Variants in CBFA2T2 observed in about 807,000 individuals in gnomAD.
CBFA2T2 encodes CBFA2/RUNX1 partner transcriptional co-repressor 2.
Under a neutral mutation model 62.2 loss-of-function variants are expected in CBFA2T2, and 11 were observed. The ratio of observed to expected loss-of-function variants is 0.18; its 90% CI spans 0.11 to 0.29. The LOEUF (loss-of-function observed/expected upper bound fraction) is 0.29. Among genes scored for constraint, CBFA2T2 ranks in the 10% least tolerant of loss-of-function variants. The pLI is 1.00. For synonymous variants in CBFA2T2, 295 were observed against 287.5 expected (o/e 1.03, Z -0.27); for missense variants, 592 against 774.1 (o/e 0.76, Z 2.79).
intron 1 of CBFA2T2, among the ~76,000 whole-genome samples, chr20:33,512,100 C>T (rs1483355445): frequency 1.3e-5 from 2 of 152,196 alleles, no homozygotes; most frequent in Non-Finnish European, 2.9e-5. Context: ...TCGCTTGAAC[C>T]CGGGAGGGGG....
Position 33,648,918 on chromosome 20 carries a change from ACAT to A in CBFA2T2, c.*4276_*4278del, listed in dbSNP as rs1303987389. ...TGTCACCTGCTTGCAAAGGGTATAG[ACAT>A]CATTCTGGGTAGTTCTAGAGGATAT... On this transcript the variant is annotated 3_prime_UTR_variant, in exon 11 of 11. Transcript: ENST00000342704. The A allele has an allele frequency of 3.9e-5, 6 of 152,016 alleles. No homozygotes were observed. Among genetic ancestry groups the A allele is most frequent in the African/African-American group, 1.4e-4 (6 of 41,384 alleles). The allele number at this position is 152,016 out of a possible 1,614,324, so 9.4% of individuals were successfully genotyped here.
At chr20:33,528,777 C>T (rs2011960398) in intron 1 of CBFA2T2, among the ~76,000 whole-genome samples, 1 of 152,060 alleles carries the variant, frequency 6.6e-6, no homozygotes, top group African/African-American at 2.4e-5. Flanking sequence ...TGGGCTCAAG[C>T]AATCTGCCCA....
intron 2 of CBFA2T2, among the ~76,000 whole-genome samples, chr20:33,608,768 C>T (rs954972863): frequency 4.6e-5 from 7 of 152,118 alleles, no homozygotes; most frequent in Non-Finnish European, 7.4e-5. Flanking sequence ...TGTGATCATA[C>T]ATTTTTTTCT....
chr20:33,554,121 A>G (rs2012819405), intron 1 of CBFA2T2, among the ~76,000 whole-genome samples: 1 of 152,000 alleles, frequency 6.6e-6, no homozygotes, highest in African/African-American at 2.4e-5. Flanking sequence ...ACCATATAAT[A>G]TTATTTTGTT....
chr20:33,539,373 A>G (rs886213470), intron 1 of CBFA2T2, among the ~76,000 whole-genome samples: 5 of 152,104 alleles, frequency 3.3e-5, no homozygotes, highest in Admixed American at 2.0e-4. Context: ...TGCATATCCT[A>G]TTTCTGCACT....
intron 1 of CBFA2T2, among the ~76,000 whole-genome samples, chr20:33,568,557 G>A (rs569023744): frequency 7.9e-5 from 12 of 152,260 alleles, no homozygotes; most frequent in East Asian, 1.9e-4. Context: ...TGCTGCCGGC[G>A]GGCGCGTGCC....
At chr20:33,529,064 C>T (rs908056498) in intron 1 of CBFA2T2, among the ~76,000 whole-genome samples, 7 of 152,010 alleles carry the variant, frequency 4.6e-5, no homozygotes, top group African/African-American at 1.4e-4. Context: ...CTTGTTCTGT[C>T]GCCCAGGCTG....
In CBFA2T2 at chr20:33,536,248, G is replaced by A. The variant is rs1266106556; in HGVS notation, c.34+45947G>A. Reference sequence around the variant, plus strand: ...TCCTCACATCCCAGTAGGGGCGGCCGGGCAGAGGCGCCCCTCATCTCCCAG... The same window carrying A: ...TCCTCACATCCCAGTAGGGGCGGCCAGGCAGAGGCGCCCCTCATCTCCCAG... On this transcript the variant is annotated intron_variant, in intron 1 of 10. Coordinates refer to ENST00000342704, the MANE Select transcript of CBFA2T2 (RefSeq NM_001032999.3). Among the ~76,000 whole-genome samples the A allele has an allele frequency of 5.4e-3, 790 of 147,638 alleles. 7 individuals carry two copies. The highest frequency in any genetic ancestry group is 0.018 in the African/African-American group (741 of 41,220).
intron 1 of CBFA2T2, among the ~76,000 whole-genome samples, chr20:33,519,730 G>T (rs989532581): frequency 1.3e-5 from 2 of 152,096 alleles, no homozygotes; most frequent in Non-Finnish European, 2.9e-5. Flanking sequence ...CTGGGGTAGG[G>T]TCCAGGAATC....
chr20:33,555,282 A>G (rs2012863755), intron 1 of CBFA2T2, among the ~76,000 whole-genome samples: 1 of 152,210 alleles, frequency 6.6e-6, no homozygotes, highest in African/African-American at 2.4e-5. Flanking sequence ...AAAAAAAAAA[A>G]ACATTAAAAT....
chr20:33,638,651 GC>G (rs2016715173), intron 9 of CBFA2T2: 1 of 152,226 alleles, frequency 6.6e-6, no homozygotes, highest in African/African-American at 2.4e-5. Context: ...CCTCCCTTGA[GC>G]CTGTGCCATG....
intron 1 of CBFA2T2, among the ~76,000 whole-genome samples, chr20:33,509,784 A>C (rs912445319): frequency 6.6e-6 from 1 of 151,686 alleles, no homozygotes; most frequent in Middle Eastern, 3.2e-3. Flanking sequence ...AACTGAGATC[A>C]CAACACTGCA....
chr20:33,521,230 A>G (rs2011722586), intron 1 of CBFA2T2, among the ~76,000 whole-genome samples: 1 of 152,164 alleles, frequency 6.6e-6, no homozygotes, highest in African/African-American at 2.4e-5. Flanking sequence ...TGACACTACC[A>G]TGCTTATGAA....
At chr20:33,598,518 A>G (rs2014985209) in intron 1 of CBFA2T2, among the ~76,000 whole-genome samples, 1 of 152,168 alleles carries the variant, frequency 6.6e-6, no homozygotes, top group African/African-American at 2.4e-5. Context: ...TATCTCTCTT[A>G]TTCCCTGAAC....
intron 3 of CBFA2T2, among the ~76,000 whole-genome samples, chr20:33,614,292 A>G (rs1036443350): frequency 4.6e-5 from 7 of 152,128 alleles, no homozygotes; most frequent in Non-Finnish European, 1.0e-4. Context: ...TAGACAGTTC[A>G]GTGGTCTTAA....
chr20:33,493,018 T>C (rs149542539), intron 1 of CBFA2T2, among the ~76,000 whole-genome samples: 6,007 of 148,872 alleles, frequency 0.04, 197 homozygotes, highest in Admixed American at 0.059. Context: ...CTCCCAAAGT[T>C]CTGGGATTAC....
rs758293147 is a variant in CBFA2T2 at position 33,606,941 on chromosome 20, T to A, written c.35-15T>A. ...TTTAGAAAACCCTAACCTCCATTTC[T>A]CTGATTCTCTGCAGTTGGTCCTGAG... is the stretch of plus-strand genomic sequence containing the variant. On this transcript the variant is annotated splice_polypyrimidine_tract_variant and intron_variant, in intron 1 of 10. Coordinates refer to ENST00000342704, the MANE Select transcript of CBFA2T2 (RefSeq NM_001032999.3). 4 of 1,610,964 alleles carry A rather than the reference T, an allele frequency of 2.5e-6. No homozygotes were observed. Among genetic ancestry groups the A allele is most frequent in the Non-Finnish European group, 3.4e-6 (4 of 1,178,474 alleles).
intron 3 of CBFA2T2, among the ~76,000 whole-genome samples, chr20:33,616,726 CAA>C (rs369489789): frequency 1.0e-4 from 13 of 124,428 alleles, no homozygotes; most frequent in Admixed American, 2.5e-4. Flanking sequence ...GACTGTGTCT[CAA>C]AAAAAAAAAA....
rs952560701 is a variant in CBFA2T2, at chr20:33,490,114, G to T, written c.-154G>T. ...CGGCGGCGGCGGCGGCGGCGACGGC[G>T]ACAGCAGCGGTGGTGGTGTCTGGTT... On this transcript the variant is annotated 5_prime_UTR_variant, in exon 1 of 11. Coordinates refer to ENST00000342704, the MANE Select transcript of CBFA2T2 (RefSeq NM_001032999.3). The T allele has an allele frequency of 7.7e-5, 56 of 726,476 alleles. No homozygotes were observed. The highest frequency in any genetic ancestry group is 9.6e-5 in the Non-Finnish European group (53 of 554,870). 45.0% of individuals were successfully genotyped at this position (726,476 alleles called of 1,614,324 possible).
Sources: allele counts gnomAD v4.1 joint callset (sites outside exome capture counted in the v4.1 genomes callset), GRCh38; gene constraint gnomAD v4.1.1; transcripts MANE v1.5; gene names NCBI Gene and HGNC (gene_info 2026-07-23, HGNC 2026-07-21).